AASDH: variants seen among roughly 807,000 people sequenced by gnomAD.
AASDH encodes beta-alanine-activating enzyme.
A neutral mutation model predicts 102.3 loss-of-function variants in AASDH; 81 were observed. That is an observed-to-expected ratio of 0.79 (90% CI 0.66 to 0.95). AASDH has a LOEUF of 0.95. AASDH is among the 40% of genes least tolerant of loss of function. The probability of loss-of-function intolerance (pLI) is 0.00; values close to 1 mark genes in which losing one functional copy is unlikely to be tolerated. For synonymous variants in AASDH, 398 were observed against 454.0 expected (o/e 0.88, Z 1.57); for missense variants, 1,203 against 1,266.2 (o/e 0.95, Z 0.76).
At chr4:56,358,527 C>T (rs886128626) in intron 5 of AASDH, among the ~76,000 whole-genome samples, 1 of 150,760 alleles carries the variant, frequency 6.6e-6, no homozygotes, top group African/African-American at 2.4e-5. Flanking sequence ...CCTTCTATTC[C>T]TAGCTTGTTA....
Position 56,374,628 on chromosome 4 carries a change from A to T in AASDH, c.669-2985T>A, listed in dbSNP as rs537885305. 2.0e-5 allele frequency among the ~76,000 whole-genome samples: 3 copies of T among 152,264 alleles called. No individual in the cohort carries two copies. The South Asian group carries it at 6.2e-4, about 32-fold the overall frequency. Reference sequence around the variant, plus strand: ...CCCATTTCTCTTTCCAAAACAATTTATTTGTTCTTCCTATGAACAAATAAA... The same window carrying T: ...CCCATTTCTCTTTCCAAAACAATTTTTTTGTTCTTCCTATGAACAAATAAA... On this transcript the variant is annotated intron_variant, in intron 4 of 14. Transcript: ENST00000205214.
At chr4:56,379,477 A>C (rs1225207926) in intron 3 of AASDH, among the ~76,000 whole-genome samples, 1 of 152,064 alleles carries the variant, frequency 6.6e-6, no homozygotes, top group Non-Finnish European at 1.5e-5. Context: ...CTGGATACAG[A>C]GGGCCAACTG....
intron 4 of AASDH, among the ~76,000 whole-genome samples, chr4:56,372,149 G>A (rs1751795019): frequency 6.6e-6 from 1 of 152,150 alleles, no homozygotes; most frequent in Non-Finnish European, 1.5e-5. Context: ...GAAGTTTTAG[G>A]CCTTCTCTGA....
intron 14 of AASDH, among the ~76,000 whole-genome samples, chr4:56,339,162 A>T (rs943537544): frequency 4.8e-4 from 72 of 150,272 alleles, no homozygotes; most frequent in Non-Finnish European, 4.1e-4. Context: ...TATTATTATT[A>T]TTTTTTTTTG....
Position 56,382,254 on chromosome 4 carries a change from C to T in AASDH, c.351+223G>A, listed in dbSNP as rs114739688. 2,908 of 397,334 alleles carry T rather than the reference C, an allele frequency of 7.3e-3. 90 individuals are homozygous for T. Among genetic ancestry groups the T allele is most frequent in the African/African-American group, 0.056 (2,639 of 46,916 alleles). The allele number at this position is 397,334 out of a possible 1,614,324, so 24.6% of individuals were successfully genotyped here. On this transcript the variant is annotated intron_variant, in intron 3 of 14. Transcript: ENST00000205214. Reference sequence around the variant, plus strand: ...TTTTGGTTGTTATGACTGGGAGGTGCTACTGAGGTCTAGCGAGTGGAGGTC... The same window carrying T: ...TTTTGGTTGTTATGACTGGGAGGTGTTACTGAGGTCTAGCGAGTGGAGGTC...
rs1258497352 is a variant in AASDH at position 56,387,476 on chromosome 4, G to A, written c.-157C>T. ...CCAGAAGCCGTAAAGCTATCCCAGA[G>A]CGAGGCACCATACGTAAATCTTCCG... is the stretch of plus-strand genomic sequence containing the variant. On this transcript the variant is annotated 5_prime_UTR_variant, in exon 1 of 15. Coordinates refer to ENST00000205214, the MANE Select transcript of AASDH (RefSeq NM_181806.4). 6.6e-6 allele frequency: 1 copy of A among 152,234 alleles called. No homozygotes were observed. Among genetic ancestry groups the A allele is most frequent in the Non-Finnish European group, 1.5e-5 (1 of 68,060 alleles). 9.4% of individuals were successfully genotyped at this position (152,234 alleles called of 1,614,324 possible).
At chr4:56,342,594 T>C (rs7670991) in intron 14 of AASDH, among the ~76,000 whole-genome samples, 26,232 of 151,996 alleles carry the variant, frequency 0.17, 2,634 homozygotes, top group Admixed American at 0.31. Context: ...CTATGTCTTC[T>C]TTAAAAAATT....
At chr4:56,349,231 T>C in intron 11 of AASDH, 32 bp downstream of exon 11, 2 of 1,600,172 alleles carry the variant, frequency 1.2e-6, no homozygotes, top group Non-Finnish European at 1.7e-6. Context: ...TAATTCAATT[T>C]AACTCCACAA....
intron 14 of AASDH, among the ~76,000 whole-genome samples, chr4:56,340,133 C>T (rs568236208): frequency 1.6e-3 from 250 of 152,306 alleles, no homozygotes; most frequent in African/African-American, 5.8e-3. Context: ...TGTGCCAGTG[C>T]ACTCCAGCCT....
At chr4:56,382,997 C>T (rs937870014) in intron 2 of AASDH, among the ~76,000 whole-genome samples, 10 of 152,276 alleles carry the variant, frequency 6.6e-5, no homozygotes, top group African/African-American at 2.2e-4. Flanking sequence ...GCGGAGGTTG[C>T]GGTGAGCCGA....
chr4:56,384,056 C>CT lies in AASDH; in HGVS notation c.230+13dup. The CT allele has an allele frequency of 6.3e-7, 1 of 1,599,428 alleles. No homozygotes were observed. Among genetic ancestry groups the CT allele is most frequent in the Non-Finnish European group, 8.6e-7 (1 of 1,167,176 alleles). On this transcript the variant is annotated intron_variant, in intron 2 of 14. Transcript: ENST00000205214. ...TTGGAGTAACATCAAATTTACAGTT[C>CT]TAAAAAATATTACCCTAAAATCCAA...
intron 14 of AASDH, among the ~76,000 whole-genome samples, chr4:56,339,879 T>C (rs994398493): frequency 4.6e-5 from 7 of 151,776 alleles, no homozygotes; most frequent in Non-Finnish European, 8.8e-5. Flanking sequence ...TAAACAGTTA[T>C]AAGTTGTGGC....
Position 56,338,314 on chromosome 4 carries a change from T to C in AASDH, c.*88A>G. ...GTTTCTTAGCCAAAATATAATCTTC[T>C]TTAATATAAAATAAGTCCACATGAT... On this transcript the variant is annotated 3_prime_UTR_variant, in exon 15 of 15. Coordinates refer to ENST00000205214, the MANE Select transcript of AASDH (RefSeq NM_181806.4). 7.1e-7 allele frequency: 1 copy of C among 1,416,204 alleles called. No individual in the cohort carries two copies. The highest frequency in any genetic ancestry group is 9.6e-7 in the Non-Finnish European group (1 of 1,046,452). The allele number at this position is 1,416,204 out of a possible 1,614,324, so 87.7% of individuals were successfully genotyped here.
In AASDH at chr4:56,343,622, G is replaced by A. The variant is rs775828316; in HGVS notation, c.2715C>T (p.Asn905=). The stretch of plus-strand genomic sequence containing the variant: ...CAAAATACAAATGATGTGGAATCAG[G>A]TTCAAACACGGAGAGGAAAAGACAG... ...GGTVFSSPCL[N]LIPHHLYFAT... is the part of the protein sequence containing the mutation. The change falls in exon 13 of 15, where the codon AAC becomes AAT. Residue 905 remains asparagine, a synonymous_variant. Coordinates refer to ENST00000205214, the MANE Select transcript of AASDH (RefSeq NM_181806.4). The A allele has an allele frequency of 3.7e-6, 6 of 1,610,656 alleles. No individual in the cohort carries two copies. Among genetic ancestry groups the A allele is most frequent in the Non-Finnish European group, 5.1e-6 (6 of 1,178,134 alleles).
chr4:56,341,573 T>TG (rs1415308478), intron 14 of AASDH, among the ~76,000 whole-genome samples: 3 of 149,674 alleles, frequency 2.0e-5, no homozygotes, highest in Middle Eastern at 3.5e-3. Flanking sequence ...TTTTTTTTTT[T>TG]TTGTATTTTA....
intron 5 of AASDH, among the ~76,000 whole-genome samples, chr4:56,366,298 G>A (rs1486902855): frequency 6.6e-6 from 1 of 152,158 alleles, no homozygotes; most frequent in African/African-American, 2.4e-5. Flanking sequence ...GGTACAAGGA[G>A]GAGCTGGTAC....
At chr4:56,376,019 C>CTTTTTTT (rs67950154) in intron 4 of AASDH, among the ~76,000 whole-genome samples, 1 of 106,746 alleles carries the variant, frequency 9.4e-6, no homozygotes, top group African/African-American at 3.6e-5. Flanking sequence ...AACCGCTCAT[C>CTTTTTTT]TTTTTTTTTT....
intron 1 of AASDH, 114 bp from the exon 2 acceptor site, chr4:56,384,455 A>AATTAT: frequency 1.7e-6 from 1 of 596,420 alleles, no homozygotes; most frequent in Non-Finnish European, 2.9e-6. Context: ...TCAAAGATAT[A>AATTAT]TAAATGAAGA....
chr4:56,353,337 T>A, intron 9 of AASDH, 67 bp downstream of exon 9: 1 of 1,273,280 alleles, frequency 7.9e-7, no homozygotes, highest in Admixed American at 2.5e-5. Flanking sequence ...TATGTTATCA[T>A]TAAGCTAGTT....
Sources: allele counts gnomAD v4.1 joint callset (sites outside exome capture counted in the v4.1 genomes callset), GRCh38; gene constraint gnomAD v4.1.1; transcripts MANE v1.5; gene names NCBI Gene and HGNC (gene_info 2026-07-23, HGNC 2026-07-21).